GLYATL1: variants seen among roughly 807,000 people sequenced by gnomAD.
GLYATL1 encodes glycine-N-acyltransferase like 1, also known as glycine N-acyltransferase-like protein 1.
Under a neutral mutation model 20.0 loss-of-function variants are expected in GLYATL1, and 15 were observed. The observed-to-expected ratio is 0.75, with a 90% CI of 0.50 to 1.15. The LOEUF is 1.15. GLYATL1 is among the 50% of genes most tolerant of loss of function. The pLI is 0.00. For synonymous variants in GLYATL1, 151 were observed against 131.5 expected (o/e 1.15, Z -1.01); for missense variants, 380 against 368.5 (o/e 1.03, Z -0.26).
Position 58,956,354 on chromosome 11 carries a change from C to A in GLYATL1, c.*327C>A. On this transcript the variant is annotated 3_prime_UTR_variant, in exon 7 of 7. Coordinates refer to ENST00000532726, the MANE Select transcript of GLYATL1 (RefSeq NM_001389712.2). ...CTTTATGCAACTTGGTTAATAGAATCTACTATCTGGAAGATAAATGAAGGA... is the reference window on the plus strand; with the variant it reads ...CTTTATGCAACTTGGTTAATAGAATATACTATCTGGAAGATAAATGAAGGA... 3.6e-6 allele frequency: 1 copy of A among 281,234 alleles called. No homozygotes were observed. Among genetic ancestry groups the A allele is most frequent in the Non-Finnish European group, 6.7e-6 (1 of 149,720 alleles). The allele number at this position is 281,234 out of a possible 1,614,324, so 17.4% of individuals were successfully genotyped here.
chr11:58,924,294 T>C (rs979107014), upstream of GLYATL1, among the ~76,000 whole-genome samples: 1 of 152,220 alleles, frequency 6.6e-6, no homozygotes, highest in Admixed American at 6.5e-5. Flanking sequence ...GGCAATATCT[T>C]TGGTCAATCT....
chr11:58,907,479 G>GTATTGT (rs2134639345), exon 2 of GLYATL1: 2 of 388,960 alleles, frequency 5.1e-6, no homozygotes, highest in Non-Finnish European at 1.0e-5. Context: ...GCTCTTTTTT[G>GTATTGT]TTTGTTTTGT....
rs201056557 is a variant in GLYATL1, at chr11:58,947,030, T to C, written c.-42-16T>C. On this transcript the variant is annotated splice_polypyrimidine_tract_variant and intron_variant, in intron 2 of 6. Transcript: ENST00000532726. ...TTGTTTCCTTAACATTTTCCCTTCATTTCTTATCTTTTCAGAGTTTCTTCT... is the reference window on the plus strand; with the variant it reads ...TTGTTTCCTTAACATTTTCCCTTCACTTCTTATCTTTTCAGAGTTTCTTCT... The C allele has an allele frequency of 6.3e-7, 1 of 1,593,718 alleles. No individual in the cohort carries two copies. Among genetic ancestry groups the C allele is most frequent in the African/African-American group, 1.3e-5 (1 of 74,620 alleles).
chr11:58,920,080 C>G (rs778314242), intron 1 of GLYATL1, among the ~76,000 whole-genome samples: 2 of 152,136 alleles, frequency 1.3e-5, no homozygotes, highest in Non-Finnish European at 2.9e-5. Flanking sequence ...GGCTTTCTCT[C>G]TAGAAGGCAG....
At chr11:58,907,771 G>A (rs550631543) in exon 2 of GLYATL1, 1 of 192,410 alleles carries the variant, frequency 5.2e-6, no homozygotes, top group East Asian at 1.3e-4. Context: ...CTTTGTTCCA[G>A]TACGTTGTTA....
At chr11:58,915,367 T>C (rs1855147169) in intron 1 of GLYATL1, among the ~76,000 whole-genome samples, 1 of 152,184 alleles carries the variant, frequency 6.6e-6, no homozygotes, top group Admixed American at 6.5e-5. Context: ...CAGAGCCGGG[T>C]CCTCCTTTCC....
chr11:58,928,968 C>T (rs71486430), intron 1 of GLYATL1, among the ~76,000 whole-genome samples: 18,976 of 152,226 alleles, frequency 0.12, 1,610 homozygotes, highest in Non-Finnish European at 0.18. Flanking sequence ...AGTATTTACC[C>T]TATGACCTAA....
chr11:58,931,923 A>G (rs964402804), intron 1 of GLYATL1, among the ~76,000 whole-genome samples: 1 of 151,970 alleles, frequency 6.6e-6, no homozygotes, highest in Non-Finnish European at 1.5e-5. Context: ...CAGACTGTCC[A>G]ATATGGTGAA....
At chr11:58,944,757 T>C (rs1003946602) in intron 2 of GLYATL1, among the ~76,000 whole-genome samples, 4 of 152,140 alleles carry the variant, frequency 2.6e-5, no homozygotes, top group African/African-American at 9.6e-5. Context: ...TGTGTGCTAC[T>C]CATATTTACA....
In GLYATL1 at chr11:58,948,471, T is replaced by C. The variant is rs913100010; in HGVS notation, c.186+506T>C. ...CTGTACAACATAGTGAGACCTCATC[T>C]CTACAGAAAATAAACAAAATTAGCA... On this transcript the variant is annotated intron_variant, in intron 4 of 6. Coordinates refer to ENST00000532726, the MANE Select transcript of GLYATL1 (RefSeq NM_001389712.2). Among the ~76,000 whole-genome samples, 6 of 152,114 alleles carry C rather than the reference T, an allele frequency of 3.9e-5. 1 individual carries two copies. The highest frequency in any genetic ancestry group is 4.1e-4 in the South Asian group (2 of 4,832).
chr11:58,955,140 T>C (rs889520417), intron 5 of GLYATL1, 36 bp from the exon 6 acceptor site: 12 of 1,593,426 alleles, frequency 7.5e-6, no homozygotes, highest in African/African-American at 1.3e-5. Context: ...GAGAACTCCA[T>C]GTCTGACAAG....
intron 1 of GLYATL1, among the ~76,000 whole-genome samples, chr11:58,914,383 A>T (rs1855119012): frequency 6.6e-6 from 1 of 152,188 alleles, no homozygotes; most frequent in Admixed American, 6.5e-5. Flanking sequence ...CTTATGCTTG[A>T]ATACATGGGA....
chr11:58,935,851 G>A (rs1855810307), upstream of GLYATL1, among the ~76,000 whole-genome samples: 1 of 152,070 alleles, frequency 6.6e-6, no homozygotes. Flanking sequence ...AGTTTCATGA[G>A]TATGTATGTA....
At chr11:58,936,017 C>T (rs1025991668), upstream of GLYATL1, among the ~76,000 whole-genome samples, 1 of 152,102 alleles carries the variant, frequency 6.6e-6, no homozygotes, top group Non-Finnish European at 1.5e-5. Flanking sequence ...ACTTCTATTT[C>T]AGGTTTCTGG....
At chr11:58,905,619 A>T (rs972491262) in exon 1 of GLYATL1, 3 of 456,162 alleles carry the variant, frequency 6.6e-6, no homozygotes, top group Non-Finnish European at 1.3e-5. Flanking sequence ...GGGGACGCCG[A>T]TGAGCAGGAA....
At chr11:58,909,628 C>T (rs970351484), downstream of GLYATL1, among the ~76,000 whole-genome samples, 3 of 152,076 alleles carry the variant, frequency 2.0e-5, no homozygotes, top group East Asian at 1.9e-4. Flanking sequence ...GTCATGTACA[C>T]GTGAAAATAT....
intron 1 of GLYATL1, among the ~76,000 whole-genome samples, chr11:58,921,254 C>T (rs1305943745): frequency 6.6e-6 from 1 of 152,176 alleles, no homozygotes; most frequent in African/African-American, 2.4e-5. Context: ...GCTGAGACTC[C>T]AGTGGCACCT....
intron 1 of GLYATL1, among the ~76,000 whole-genome samples, chr11:58,918,433 G>A (rs188404228): frequency 3.9e-5 from 6 of 152,306 alleles, no homozygotes; most frequent in East Asian, 3.9e-4. Context: ...AGGTTCCTAG[G>A]TGGGTTCCTG....
At chr11:58,930,924 C>A (rs904133647) in intron 1 of GLYATL1, among the ~76,000 whole-genome samples, 4 of 152,142 alleles carry the variant, frequency 2.6e-5, no homozygotes, top group African/African-American at 9.7e-5. Flanking sequence ...ATGTTTAAAT[C>A]CTAATCTCCA....
Sources: gnomAD v4.1 joint callset for allele counts (sites outside exome capture counted in the v4.1 genomes callset) on GRCh38, gnomAD v4.1.1 for gene constraint, MANE v1.5 for transcripts, NCBI Gene and HGNC (gene_info 2026-07-23, HGNC 2026-07-21) for gene names.